The following CNTNAP3B variants were observed in gnomAD, a reference collection of about 807,000 sequenced individuals.
CNTNAP3B encodes contactin associated protein family member 3B.
A neutral mutation model predicts 108.9 loss-of-function variants in CNTNAP3B; 25 were observed. That is an observed-to-expected ratio of 0.23 (90% CI 0.17 to 0.32). CNTNAP3B has a LOEUF of 0.32. CNTNAP3B is among the 10% of genes least tolerant of loss of function. CNTNAP3B has a pLI of 1.00. For missense variants in CNTNAP3B, 252 were observed against 1,210.4 expected (o/e 0.21, Z 11.75); for synonymous variants, 103 against 473.4 (o/e 0.22, Z 10.16).
At chr9:42,049,217 G>A (rs1826929571) in intron 3 of CNTNAP3B, among the ~76,000 whole-genome samples, 2 of 133,912 alleles carry the variant, frequency 1.5e-5, no homozygotes, top group Non-Finnish European at 3.1e-5. Context: ...TGGGATGGGG[G>A]CACCATCTTT....
rs1265298893 is a variant in CNTNAP3B at position 42,116,874 on chromosome 9, C to G, written c.86-12135G>C. Among the ~76,000 whole-genome samples, 2 of 137,594 alleles carry G rather than the reference C, an allele frequency of 1.5e-5. 1 individual carries two copies. The highest frequency in any genetic ancestry group is 3.1e-5 in the Non-Finnish European group (2 of 64,520). The allele number at this position is 137,594 out of a possible 152,430, so 90.3% of individuals were successfully genotyped here. On this transcript the variant is annotated intron_variant, in intron 1 of 23. Coordinates refer to ENST00000377561, the MANE Select transcript of CNTNAP3B (RefSeq NM_001201380.3). ...ACAAAAAAAAAGCAGGGGTTGGAAT[C>G]CTAGTCTCTGATAAAACAGACTTTA...
At chr9:41,959,179 G>A (rs1399168867) in intron 12 of CNTNAP3B, among the ~76,000 whole-genome samples, 785 of 146,672 alleles carry the variant, frequency 5.4e-3, no homozygotes, top group Middle Eastern at 6.9e-3. Flanking sequence ...CAGTTTGCCT[G>A]GCTTTTTACT....
At position 42,030,798 on chromosome 9, in the gene CNTNAP3B, AG is replaced by A. The variant is rs1826505699; in HGVS notation, c.391-17274del. Among the ~76,000 whole-genome samples, 6 of 88,176 alleles carry A rather than the reference AG, an allele frequency of 6.8e-5. 1 individual carries two copies. Among genetic ancestry groups the A allele is most frequent in the African/African-American group, 2.5e-4 (5 of 19,802 alleles). The allele number at this position is 88,176 out of a possible 152,430, so 57.8% of individuals were successfully genotyped here. A position where few individuals can be genotyped will look rare whatever the true frequency, so the allele number is the denominator to read the frequency against. On this transcript the variant is annotated intron_variant, in intron 3 of 23. Coordinates refer to ENST00000377561, the MANE Select transcript of CNTNAP3B (RefSeq NM_001201380.3). ...AGAGAGAGAGAGATGTGTGCGAGAG[AG>A]AGAGAGAGAGAGAGGAGAGAGAGAG...
Position 42,122,175 on chromosome 9 carries a change from G to A in CNTNAP3B, c.85+6835C>T, listed in dbSNP as rs1358743527. 5.0e-5 allele frequency among the ~76,000 whole-genome samples: 7 copies of A among 139,500 alleles called. 1 individual carries two copies. The highest frequency in any genetic ancestry group is 2.0e-4 in the African/African-American group (7 of 35,334). The allele number at this position is 139,500 out of a possible 152,430, so 91.5% of individuals were successfully genotyped here. On this transcript the variant is annotated intron_variant, in intron 1 of 23. Coordinates refer to ENST00000377561, the MANE Select transcript of CNTNAP3B (RefSeq NM_001201380.3). ...CAAGATGTATTGATAAGCGTGTTAA[G>A]CTTATTTTTATATATGAAGAATAAC...
chr9:41,943,569 G>A (rs1213277845), intron 13 of CNTNAP3B, among the ~76,000 whole-genome samples: 1 of 151,478 alleles, frequency 6.6e-6, no homozygotes, highest in South Asian at 2.1e-4. Context: ...AGCCAGGATG[G>A]TCTGGATCTC....
chr9:42,067,512 G>C (rs1442490710), intron 3 of CNTNAP3B, among the ~76,000 whole-genome samples: 2 of 152,244 alleles, frequency 1.3e-5, no homozygotes, highest in South Asian at 2.1e-4. Context: ...AGCTCATTAA[G>C]TGGATAATCT....
At chr9:42,056,472 T>A (rs1827073543) in intron 3 of CNTNAP3B, among the ~76,000 whole-genome samples, 1 of 136,936 alleles carries the variant, frequency 7.3e-6, no homozygotes, top group African/African-American at 2.9e-5. Context: ...TTCCTCAGCC[T>A]CCTGAGTAGC....
intron 8 of CNTNAP3B, among the ~76,000 whole-genome samples, chr9:41,989,439 CT>C (rs1825764613): frequency 1.1e-5 from 1 of 87,590 alleles, no homozygotes; most frequent in East Asian, 3.5e-4. Flanking sequence ...GCAAATAATG[CT>C]TGTCCATAGA....
At chr9:42,099,347 C>G (rs1827976800) in intron 2 of CNTNAP3B, among the ~76,000 whole-genome samples, 1 of 126,700 alleles carries the variant, frequency 7.9e-6, no homozygotes, top group African/African-American at 3.2e-5. Context: ...TCCTAAAATT[C>G]TACAGGAAAA....
chr9:41,936,316 T>TAA (rs1824155092), intron 14 of CNTNAP3B, among the ~76,000 whole-genome samples: 1 of 150,998 alleles, frequency 6.6e-6, no homozygotes, highest in African/African-American at 2.4e-5. Flanking sequence ...TTCTTCGAAC[T>TAA]AAGTTATAAA....
At chr9:41,935,279 G>C (rs1373256209) in intron 14 of CNTNAP3B, among the ~76,000 whole-genome samples, 2 of 151,966 alleles carry the variant, frequency 1.3e-5, no homozygotes, top group Non-Finnish European at 2.9e-5. Flanking sequence ...TGATTACAGG[G>C]ACAACTTATG....
intron 13 of CNTNAP3B, among the ~76,000 whole-genome samples, chr9:41,942,503 G>A: frequency 6.6e-6 from 1 of 150,690 alleles, no homozygotes; most frequent in Admixed American, 6.6e-5. Flanking sequence ...CCCAGCTACT[G>A]GGGAGGCTGA....
intron 9 of CNTNAP3B, among the ~76,000 whole-genome samples, chr9:41,973,954 C>T (rs1351344757): frequency 7.3e-6 from 1 of 136,676 alleles, no homozygotes; most frequent in Non-Finnish European, 1.6e-5. Context: ...AAGGAATTCT[C>T]CTGCCTCAGC....
intron 1 of CNTNAP3B, among the ~76,000 whole-genome samples, chr9:42,108,154 C>A (rs534847312): frequency 1.2e-4 from 17 of 137,884 alleles, no homozygotes; most frequent in Non-Finnish European, 2.2e-4. Context: ...GGGCACCCCA[C>A]AAGTGTTACA....
chr9:41,973,287 G>C (rs1423489517), intron 9 of CNTNAP3B, among the ~76,000 whole-genome samples: 1 of 128,326 alleles, frequency 7.8e-6, no homozygotes, highest in Non-Finnish European at 1.7e-5. Context: ...AACTCTGTTA[G>C]AAAAAAAAAA....
chr9:42,021,784 TTCAATGTCCTAGGG>T (rs1050438495), intron 3 of CNTNAP3B, among the ~76,000 whole-genome samples: 4 of 131,768 alleles, frequency 3.0e-5, no homozygotes, highest in Non-Finnish European at 6.4e-5. Context: ...CACATGGAAG[TTCAATGTCCTAGGG>T]TCAAAGCTGA....
At chr9:41,973,216 G>T (rs1385493784) in intron 9 of CNTNAP3B, among the ~76,000 whole-genome samples, 2 of 144,966 alleles carry the variant, frequency 1.4e-5, no homozygotes, top group Non-Finnish European at 3.0e-5. Context: ...CAAAATGCTG[G>T]GATTACAGGC....
intron 12 of CNTNAP3B, among the ~76,000 whole-genome samples, chr9:41,954,830 C>T (rs868703437): frequency 2.0e-5 from 3 of 150,542 alleles, no homozygotes; most frequent in Admixed American, 6.6e-5. Context: ...ACTACAGGCA[C>T]ACACCACCAC....
chr9:41,979,946 T>A (rs1825595507), intron 9 of CNTNAP3B: 1 of 11,914 alleles, frequency 8.4e-5, no homozygotes, highest in Non-Finnish European at 1.8e-4. Flanking sequence ...GAGGAAACCT[T>A]TTTTTTTTTT....
Sources: allele counts gnomAD v4.1 joint callset (sites outside exome capture counted in the v4.1 genomes callset), GRCh38; gene constraint gnomAD v4.1.1; transcripts MANE v1.5; gene names NCBI Gene and HGNC (gene_info 2026-07-23, HGNC 2026-07-21).